Variants in RCAN2 observed in about 807,000 individuals in gnomAD.
RCAN2 encodes regulator of calcineurin 2.
A neutral mutation model predicts 23.6 loss-of-function variants in RCAN2; 9 were observed. That is an observed-to-expected ratio of 0.38 (90% CI 0.23 to 0.67). The LOEUF (loss-of-function observed/expected upper bound fraction) is 0.67. Ranked by LOEUF, RCAN2 falls within the 30% of genes least tolerant of loss-of-function variation. The pLI is 0.51. For synonymous variants in RCAN2, 109 were observed against 115.7 expected (o/e 0.94, Z 0.37); for missense variants, 273 against 302.3 (o/e 0.90, Z 0.72).
intron 2 of RCAN2, chr6:46,325,673 G>A: frequency 1.4e-6 from 2 of 1,384,722 alleles, no homozygotes; most frequent in Non-Finnish European, 1.9e-6. Flanking sequence ...GCAGAGTAAC[G>A]AACGGCCCGG....
At chr6:46,428,518 G>A (rs1323038913) in intron 2 of RCAN2, among the ~76,000 whole-genome samples, 3 of 152,162 alleles carry the variant, frequency 2.0e-5, no homozygotes, top group Non-Finnish European at 4.4e-5. Context: ...ATAAATAAAT[G>A]ATCTGACTGG....
At chr6:46,448,589 T>A (rs1165369346) in intron 2 of RCAN2, among the ~76,000 whole-genome samples, 2 of 151,758 alleles carry the variant, frequency 1.3e-5, no homozygotes, top group Non-Finnish European at 3.0e-5. Context: ...ACAAAATACC[T>A]GTAAACCAAA....
intron 2 of RCAN2, among the ~76,000 whole-genome samples, chr6:46,359,253 G>T (rs942759456): frequency 1.3e-5 from 2 of 152,180 alleles, no homozygotes; most frequent in Admixed American, 6.5e-5. Flanking sequence ...AGTGACTTTT[G>T]TTGGAAAAGA....
In RCAN2 at chr6:46,223,010, G is replaced by A. The variant is rs1011034184; in HGVS notation, c.*131C>T. On this transcript the variant is annotated 3_prime_UTR_variant, in exon 5 of 5. Transcript: ENST00000371374. ...CTTTTCCTAGCCCTTTTGTCCGAGA[G>A]GCTTGATAACAAGGAAGGAATCTCA... The A allele has an allele frequency of 8.0e-5, 74 of 923,100 alleles. No homozygotes were observed. Among genetic ancestry groups the A allele is most frequent in the Middle Eastern group, 3.5e-4 (1 of 2,888 alleles). 57.2% of individuals were successfully genotyped at this position (923,100 alleles called of 1,614,324 possible).
At chr6:46,450,881 T>C (rs1767859304) in intron 2 of RCAN2, among the ~76,000 whole-genome samples, 1 of 152,074 alleles carries the variant, frequency 6.6e-6, no homozygotes, top group Non-Finnish European at 1.5e-5. Context: ...AAATAATCTA[T>C]TGTATTTTTA....
intron 1 of RCAN2, among the ~76,000 whole-genome samples, chr6:46,477,068 T>C (rs1382178709): frequency 6.6e-6 from 1 of 152,152 alleles, no homozygotes; most frequent in Non-Finnish European, 1.5e-5. Flanking sequence ...GGGTGGCACA[T>C]CTCAACTTGC....
intron 2 of RCAN2, among the ~76,000 whole-genome samples, chr6:46,328,033 G>T (rs1043442079): frequency 6.6e-6 from 1 of 152,122 alleles, no homozygotes; most frequent in Non-Finnish European, 1.5e-5. Context: ...TTACATAAGG[G>T]GCTGTATGAA....
At chr6:46,390,419 G>A (rs977073274) in intron 2 of RCAN2, among the ~76,000 whole-genome samples, 4 of 152,168 alleles carry the variant, frequency 2.6e-5, no homozygotes, top group Non-Finnish European at 4.4e-5. Context: ...CCAAAACCCA[G>A]GGCTGAGCCT....
At chr6:46,449,525 A>G (rs1767813973) in intron 2 of RCAN2, among the ~76,000 whole-genome samples, 2 of 151,630 alleles carry the variant, frequency 1.3e-5, no homozygotes, top group South Asian at 4.1e-4. Context: ...ATGGAACCAC[A>G]AAGGACTCTG....
chr6:46,365,058 C>T (rs1765129000), intron 2 of RCAN2, among the ~76,000 whole-genome samples: 1 of 152,158 alleles, frequency 6.6e-6, no homozygotes. Context: ...CCTAATCGCA[C>T]TTTGATACTT....
Position 46,292,423 on chromosome 6 carries a change from G to GTTT in RCAN2, c.226-43528_226-43527insAAA, listed in dbSNP as rs869232910. On this transcript the variant is annotated intron_variant, in intron 2 of 4. Coordinates refer to ENST00000371374, the MANE Select transcript of RCAN2 (RefSeq NM_001251974.2). ...TTGCCATATTCTTGGGAGTTGATTT[G>GTTT]TTGTTTTTTTTTTTGTTTTTTTTTT... is the stretch of plus-strand genomic sequence containing the variant. Among the ~76,000 whole-genome samples the GTTT allele has an allele frequency of 1.5e-3, 157 of 107,440 alleles. 5 individuals carry two copies. The highest frequency in any genetic ancestry group is 5.4e-3 in the African/African-American group (135 of 25,078). The allele number at this position is 107,440 out of a possible 152,430, so 70.5% of individuals were successfully genotyped here. A position where few individuals can be genotyped will look rare whatever the true frequency, so the allele number is the denominator to read the frequency against.
In RCAN2 at chr6:46,477,792, T is replaced by C. The variant is rs115627901; in HGVS notation, c.-3+13381A>G. 9.3e-3 allele frequency among the ~76,000 whole-genome samples: 1,420 copies of C among 152,240 alleles called. 19 individuals are homozygous for C. The highest frequency in any genetic ancestry group is 0.032 in the African/African-American group (1,344 of 41,538). ...TAAGACACATCCATCTTGCCATCTC[T>C]AGGGTGGAAGTACCCTGGCAGACAG... On this transcript the variant is annotated intron_variant, in intron 1 of 4. Transcript: ENST00000371374.
intron 2 of RCAN2, among the ~76,000 whole-genome samples, chr6:46,268,916 G>T (rs1767432894): frequency 6.6e-6 from 1 of 152,182 alleles, no homozygotes; most frequent in Admixed American, 6.5e-5. Flanking sequence ...GTTTAATAAG[G>T]TTTTGTAGGA....
chr6:46,402,047 C>G (rs1376549292), intron 2 of RCAN2, among the ~76,000 whole-genome samples: 1 of 152,008 alleles, frequency 6.6e-6, no homozygotes, highest in Non-Finnish European at 1.5e-5. Context: ...TAGACAAATA[C>G]AGAAGACATA....
chr6:46,303,320 G>A (rs761683641), intron 2 of RCAN2, among the ~76,000 whole-genome samples: 7 of 152,022 alleles, frequency 4.6e-5, no homozygotes, highest in Non-Finnish European at 7.4e-5. Context: ...TCAGCAGTCA[G>A]CCATTTTACA....
At chr6:46,402,107 T>C (rs961638256) in intron 2 of RCAN2, among the ~76,000 whole-genome samples, 8 of 152,064 alleles carry the variant, frequency 5.3e-5, no homozygotes, top group Non-Finnish European at 8.8e-5. Flanking sequence ...CCATTAAATA[T>C]TAAGAATGTG....
intron 2 of RCAN2, among the ~76,000 whole-genome samples, chr6:46,269,665 C>T (rs185462726): frequency 6.6e-6 from 1 of 152,218 alleles, no homozygotes; most frequent in Admixed American, 6.5e-5. Context: ...AGATACAGGC[C>T]TTTCTTGGAT....
chr6:46,273,309 T>G (rs1438223522), intron 2 of RCAN2, among the ~76,000 whole-genome samples: 1 of 152,228 alleles, frequency 6.6e-6, no homozygotes, highest in Non-Finnish European at 1.5e-5. Context: ...CTCTGCTCTC[T>G]CTGTTTCATC....
chr6:46,364,871 C>G (rs1035660553), intron 2 of RCAN2, among the ~76,000 whole-genome samples: 1 of 152,174 alleles, frequency 6.6e-6, no homozygotes, highest in African/African-American at 2.4e-5. Flanking sequence ...CACTTTGCAC[C>G]AGCCACACTG....
Sources: gnomAD v4.1 joint callset for allele counts (sites outside exome capture counted in the v4.1 genomes callset) on GRCh38, gnomAD v4.1.1 for gene constraint, MANE v1.5 for transcripts, NCBI Gene and HGNC (gene_info 2026-07-23, HGNC 2026-07-21) for gene names.